Variants in MYCBP2 observed in about 807,000 individuals in gnomAD.
The protein encoded by MYCBP2 is E3 ubiquitin-protein ligase MYCBP2.
Under a neutral mutation model 525.3 loss-of-function variants are expected in MYCBP2, and 120 were observed. The ratio of observed to expected loss-of-function variants is 0.23; its 90% CI spans 0.20 to 0.27. MYCBP2 has a LOEUF of 0.27. Among genes scored for constraint, MYCBP2 ranks in the 10% least tolerant of loss-of-function variants. The probability of loss-of-function intolerance (pLI) is 1.00; values close to 1 mark genes in which losing one functional copy is unlikely to be tolerated. For synonymous variants in MYCBP2, 1,894 were observed against 1,955.8 expected (o/e 0.97, Z 0.83); for missense variants, 4,149 against 5,657.1 (o/e 0.73, Z 8.55).
chr13:77,126,002 G>A (rs895439099), intron 53 of MYCBP2, among the ~76,000 whole-genome samples: 6 of 152,186 alleles, frequency 3.9e-5, no homozygotes, highest in East Asian at 1.9e-4. Flanking sequence ...TCTCCATACC[G>A]ATCACATAGA....
rs748793341 is a variant in MYCBP2 at position 77,206,756 on chromosome 13, T to C, written c.3486A>G (p.Ala1162=). 14 of 1,612,028 alleles carry C rather than the reference T, an allele frequency of 8.7e-6. No individual in the cohort carries two copies. In the South Asian group the frequency reaches 1.4e-4, roughly 16 times the overall value. Residue 1162 remains alanine (A), a synonymous_variant, in exon 24 of 83, where the codon GCA becomes GCG. Transcript: ENST00000544440. ...TACTACATCTGGACTGCATGTCTGC[T>C]GCAGAGGGAAGCCTGGCATCAGCAA... ...AVVADARLPS[A]ADMQSRCSIL... is the part of the protein sequence containing the mutation.
chr13:77,049,654 T>A (rs541051333), intron 82 of MYCBP2, among the ~76,000 whole-genome samples: 20 of 152,270 alleles, frequency 1.3e-4, no homozygotes, highest in African/African-American at 4.8e-4. Flanking sequence ...ATTTGCTTTT[T>A]TTTTTTGAAA....
intron 14 of MYCBP2, among the ~76,000 whole-genome samples, chr13:77,252,036 A>G (rs2071300633): frequency 6.6e-6 from 1 of 152,154 alleles, no homozygotes; most frequent in African/African-American, 2.4e-5. Flanking sequence ...GTCATTCCCT[A>G]TTAAAGCACT....
At position 77,287,504 on chromosome 13, in the gene MYCBP2, T is replaced by C. The variant is rs183269179; in HGVS notation, c.594+657A>G. Among the ~76,000 whole-genome samples the C allele has an allele frequency of 2.0e-5, 3 of 152,218 alleles. No homozygotes were observed. In the East Asian group the frequency reaches 5.8e-4, roughly 29 times the overall value. On this transcript the variant is annotated intron_variant, in intron 3 of 82. Transcript: ENST00000544440. ...GCCCGGCCTACAATACATGCTTCTA[T>C]TATAGAAATACCAACTAGTTTATAT...
Position 77,061,713 on chromosome 13 carries a change from G to C in MYCBP2, c.12852C>G (p.Asp4284Glu), listed in dbSNP as rs1232630806. ...LCNVCGNLCT[D>E]CDRFLHLHRR... ...GATGAAGGTGAAGGAATCTGTCACA[G>C]TCTGTACATAAATTTCCACAGACAT... is the stretch of plus-strand genomic sequence containing the variant. The change falls in exon 75 of 83, where the codon GAC becomes GAG. Residue 4284 changes from aspartate to glutamate, a missense_variant. This residue lies in a region of MYCBP2 where 220 missense variants were observed against 396.0 expected (regional missense o/e 0.56). Transcript: ENST00000544440. 1 of 1,612,526 alleles carries C rather than the reference G, an allele frequency of 6.2e-7. No homozygotes were observed. The highest frequency in any genetic ancestry group is 8.5e-7 in the Non-Finnish European group (1 of 1,179,440).
intron 47 of MYCBP2, among the ~76,000 whole-genome samples, chr13:77,146,586 A>C (rs2055609115): frequency 6.6e-6 from 1 of 152,190 alleles, no homozygotes; most frequent in Non-Finnish European, 1.5e-5. Flanking sequence ...ACATATAGAG[A>C]ATAAATCCAT....
chr13:77,324,657 G>A (rs2082080861), intron 1 of MYCBP2, among the ~76,000 whole-genome samples: 3 of 152,084 alleles, frequency 2.0e-5, no homozygotes, highest in Non-Finnish European at 4.4e-5. Context: ...ACTTTTCATT[G>A]ACGGCTTGTA....
At chr13:77,051,634 A>AAT (rs2036837086) in intron 81 of MYCBP2, among the ~76,000 whole-genome samples, 177 bp downstream of exon 81, 1 of 152,230 alleles carries the variant, frequency 6.6e-6, no homozygotes, top group Non-Finnish European at 1.5e-5. Flanking sequence ...TAAAATAAAA[A>AAT]TATCGCCCAA....
At chr13:77,227,960 CAAT>C (rs2066537341) in intron 18 of MYCBP2, among the ~76,000 whole-genome samples, 1 of 152,010 alleles carries the variant, frequency 6.6e-6, no homozygotes, top group Non-Finnish European at 1.5e-5. Context: ...AACAACTTCT[CAAT>C]TATTATAGAC....
intron 55 of MYCBP2, among the ~76,000 whole-genome samples, chr13:77,105,094 A>T (rs1408616445): frequency 1.3e-5 from 2 of 152,074 alleles, no homozygotes; most frequent in African/African-American, 4.8e-5. Flanking sequence ...GGAAGAGTTA[A>T]TTCAGGGGGA....
intron 69 of MYCBP2, 127 bp from the exon 70 acceptor site, chr13:77,068,958 C>A: frequency 1.1e-6 from 1 of 892,730 alleles, no homozygotes; most frequent in South Asian, 1.7e-5. Context: ...ACTATTCTCC[C>A]AGTTAATTCT....
intron 1 of MYCBP2, among the ~76,000 whole-genome samples, chr13:77,322,644 A>T (rs1201805019): frequency 1.3e-5 from 2 of 152,258 alleles, no homozygotes; most frequent in East Asian, 3.8e-4. Flanking sequence ...AACACTACAA[A>T]GTTACAAGTA....
intron 41 of MYCBP2, 55 bp from the exon 42 acceptor site, chr13:77,165,446 C>T (rs916321699): frequency 1.9e-5 from 25 of 1,311,942 alleles, no homozygotes; most frequent in Non-Finnish European, 2.5e-5. Flanking sequence ...ATAAAAATTT[C>T]CCTGTCTTTT....
chr13:77,321,106 C>T (rs1045856338), intron 1 of MYCBP2, among the ~76,000 whole-genome samples: 1 of 152,136 alleles, frequency 6.6e-6, no homozygotes, highest in African/African-American at 2.4e-5. Context: ...CTCAATTAAC[C>T]TAACCCCTCC....
chr13:77,074,009 C>CG (rs939686238), intron 68 of MYCBP2, among the ~76,000 whole-genome samples: 8 of 140,858 alleles, frequency 5.7e-5, no homozygotes, highest in East Asian at 2.4e-4. Context: ...ACCGCCCCCC[C>CG]CCCTTTTTTT....
intron 49 of MYCBP2, 83 bp from the exon 50 acceptor site, chr13:77,141,026 G>A: frequency 6.3e-6 from 6 of 954,542 alleles, no homozygotes; most frequent in Non-Finnish European, 9.5e-6. Context: ...AACATCCACA[G>A]GCTATTTTTA....
intron 55 of MYCBP2, 102 bp downstream of exon 55, chr13:77,121,271 A>T: frequency 9.3e-7 from 1 of 1,078,168 alleles, no homozygotes; most frequent in Non-Finnish European, 1.2e-6. Flanking sequence ...ATTTTAATTT[A>T]ATAAAGATTT....
intron 62 of MYCBP2, among the ~76,000 whole-genome samples, chr13:77,086,877 T>C (rs1203821237): frequency 6.6e-6 from 1 of 152,240 alleles, no homozygotes; most frequent in Admixed American, 6.5e-5. Context: ...TTAGTATTTA[T>C]GTTTTCTTTA....
intron 5 of MYCBP2, 73 bp downstream of exon 5, chr13:77,273,399 T>TA (rs2075133037): frequency 3.0e-6 from 4 of 1,338,254 alleles, no homozygotes; most frequent in Non-Finnish European, 4.0e-6. Flanking sequence ...GCAGAATTCC[T>TA]ATTGACAGAA....
Sources: allele counts gnomAD v4.1 joint callset (sites outside exome capture counted in the v4.1 genomes callset), GRCh38; gene constraint gnomAD v4.1.1; regional missense constraint gnomAD v4.1.1; transcripts MANE v1.5; gene names NCBI Gene and HGNC (gene_info 2026-07-23, HGNC 2026-07-21).